Variants in MGST1 observed in about 807,000 individuals in gnomAD.
The protein encoded by MGST1 is microsomal glutathione S-transferase 1.
A neutral mutation model predicts 8.9 loss-of-function variants in MGST1; 5 were observed. That is an observed-to-expected ratio of 0.56 (90% CI 0.29 to 1.19). The LOEUF (loss-of-function observed/expected upper bound fraction) is 1.19, where lower values mean the gene tolerates loss of function less well. MGST1 is among the 50% of genes most tolerant of loss of function. The probability of loss-of-function intolerance (pLI) is 0.08; values close to 1 mark genes in which losing one functional copy is unlikely to be tolerated. For missense variants in MGST1, 182 were observed against 187.4 expected, an observed-to-expected ratio of 0.97 and a Z score of 0.17; for synonymous variants, 54 against 67.8, an observed-to-expected ratio of 0.80 and a Z score of 1.00.
At chr12:16,553,590 T>C (rs577931373) in intron 4 of MGST1, among the ~76,000 whole-genome samples, 6 of 152,194 alleles carry the variant, frequency 3.9e-5, no homozygotes, top group Admixed American at 1.3e-4. Flanking sequence ...TACTTAAAGG[T>C]CAAGATGAAA....
In MGST1 at chr12:16,401,154, C is replaced by A; in HGVS notation, n.778+17550C>A. ...GGAAAATACCCACATTCTTCACTTT[C>A]TTCTTCACAGAAGTGAGAACAGTAG... On this transcript the variant is annotated intron_variant and non_coding_transcript_variant, in intron 1 of 1. Coordinates refer to the MGST1 transcript ENST00000359720. This position sits in a 1 kb window ranked among gnomAD's most constrained non-coding sequence, Gnocchi z 4.3. 1 of 1,562,534 alleles carries A rather than the reference C, an allele frequency of 6.4e-7. No individual in the cohort carries two copies. Among genetic ancestry groups the A allele is most frequent in the Non-Finnish European group, 8.8e-7 (1 of 1,134,282 alleles).
At chr12:16,470,913 G>T (rs907004894) in intron 4 of MGST1, among the ~76,000 whole-genome samples, 1 of 151,864 alleles carries the variant, frequency 6.6e-6, no homozygotes, top group Non-Finnish European at 1.5e-5. Flanking sequence ...TTTATTTGAG[G>T]GTATTTTAAA....
chr12:16,579,093 C>T (rs898744044), intron 4 of MGST1, among the ~76,000 whole-genome samples: 2 of 152,040 alleles, frequency 1.3e-5, no homozygotes, highest in African/African-American at 2.4e-5. Context: ...TTTAAAAAGG[C>T]ACTGATTATA....
intron 3 of MGST1, among the ~76,000 whole-genome samples, chr12:16,359,890 C>T (rs983070226): frequency 2.0e-5 from 3 of 152,200 alleles, no homozygotes; most frequent in African/African-American, 7.2e-5. Context: ...TTTTAGATTC[C>T]TCCCTACTAT....
chr12:16,429,338 G>A (rs773559520), intron 1 of MGST1, among the ~76,000 whole-genome samples: 53 of 151,990 alleles, frequency 3.5e-4, no homozygotes, highest in Non-Finnish European at 6.3e-4. Context: ...ATTCTTCCTT[G>A]TGGTTATAAT....
chr12:16,424,257 C>A (rs949985903), intron 1 of MGST1, among the ~76,000 whole-genome samples: 1 of 152,204 alleles, frequency 6.6e-6, no homozygotes, highest in Non-Finnish European at 1.5e-5. Context: ...GTCTTTAAGT[C>A]CAACAGAGGT....
intron 4 of MGST1, among the ~76,000 whole-genome samples, chr12:16,487,496 TACTGGTGC>T (rs1941407408): frequency 1.3e-5 from 2 of 152,292 alleles, no homozygotes; most frequent in South Asian, 4.1e-4. Context: ...TGGCCAATAT[TACTGGTGC>T]ACGTAGACAT....
At chr12:16,487,656 CTTTT>C (rs889417612) in intron 4 of MGST1, among the ~76,000 whole-genome samples, 1 of 151,988 alleles carries the variant, frequency 6.6e-6, no homozygotes, top group Admixed American at 6.6e-5. Flanking sequence ...GTGATAGAGA[CTTTT>C]TTTAAGAGAC....
intron 1 of MGST1, among the ~76,000 whole-genome samples, chr12:16,434,365 A>G (rs1294683962): frequency 6.6e-6 from 1 of 152,016 alleles, no homozygotes; most frequent in African/African-American, 2.4e-5. Context: ...AGATTAAACA[A>G]CGGAAATTTC....
At position 16,582,533 on chromosome 12, in the gene MGST1, T is replaced by C. The variant is rs1943193493; in HGVS notation, n.483-6995T>C. Among the ~76,000 whole-genome samples the C allele has an allele frequency of 6.6e-6, 1 of 152,236 alleles. No individual in the cohort carries two copies. The highest frequency in any genetic ancestry group is 6.5e-5 in the Admixed American group (1 of 15,284). On this transcript the variant is annotated intron_variant and non_coding_transcript_variant, in intron 4 of 4. Transcript: ENST00000538857. The surrounding 1 kb of genome is among the most constrained non-coding windows in gnomAD (Gnocchi z 4.1). The stretch of plus-strand genomic sequence containing the variant: ...CTTAAGCTTCCTGTGTAACACTTAA[T>C]TGTGGATACTATGGAAGTGGCTAGA...
chr12:16,437,734 G>C (rs558018644), exon 2 of MGST1: 1 of 152,056 alleles, frequency 6.6e-6, no homozygotes, highest in Non-Finnish European at 1.5e-5. Context: ...AATCACAAAG[G>C]CTCTTTGGAA....
At chr12:16,514,158 T>C in intron 4 of MGST1, 1 of 356,930 alleles carries the variant, frequency 2.8e-6, no homozygotes, top group South Asian at 2.5e-5. Context: ...CAAGGATGCC[T>C]GGGCTGTGCG....
At chr12:16,489,111 AAAATAAAT>A (rs1033454338) in intron 4 of MGST1, among the ~76,000 whole-genome samples, 1 of 151,972 alleles carries the variant, frequency 6.6e-6, no homozygotes, top group African/African-American at 2.4e-5. Flanking sequence ...TCACCATCTC[AAAATAAAT>A]AAATAAATAA....
At position 16,589,311 on chromosome 12, in the gene MGST1, C is replaced by T. The variant is rs997230680; in HGVS notation, n.483-217C>T. On this transcript the variant is annotated intron_variant and non_coding_transcript_variant, in intron 4 of 4. Transcript: ENST00000538857. This position sits in a 1 kb window ranked among gnomAD's most constrained non-coding sequence, Gnocchi z 4.2. ...ATCATTGATGGAGAAGGGGCAATAC[C>T]TAATGTAGTAGAATAATGAGAAACA... Among the ~76,000 whole-genome samples the T allele has an allele frequency of 6.6e-6, 1 of 151,900 alleles. No individual in the cohort carries two copies. Among genetic ancestry groups the T allele is most frequent in the Admixed American group, 6.6e-5 (1 of 15,240 alleles).
rs540758026 is a variant in MGST1 at position 16,585,274 on chromosome 12, ATC to A, written n.483-4253_483-4252del. Among the ~76,000 whole-genome samples the A allele has an allele frequency of 0.013, 1,933 of 152,322 alleles. 47 individuals are homozygous for A. The highest frequency in any genetic ancestry group is 0.044 in the African/African-American group (1,842 of 41,558). On this transcript the variant is annotated intron_variant and non_coding_transcript_variant, in intron 4 of 4. Transcript: ENST00000538857. The surrounding 1 kb of genome is among the most constrained non-coding windows in gnomAD (Gnocchi z 4.7). ...CAGCCTATTTTATTTACATTCAAGT[ATC>A]ATGGTAGAAAACAAGTTATTGATTA...
chr12:16,439,232 G>T (rs1941017212), downstream of MGST1, among the ~76,000 whole-genome samples: 1 of 151,720 alleles, frequency 6.6e-6, no homozygotes, highest in African/African-American at 2.4e-5. Context: ...TATGACATGG[G>T]CAACATTAAA....
chr12:16,381,810 A>G (rs1256794376), downstream of MGST1, among the ~76,000 whole-genome samples: 2 of 152,096 alleles, frequency 1.3e-5, no homozygotes, highest in African/African-American at 4.8e-5. Flanking sequence ...ACATAGTCCC[A>G]TATTTCTTGG....
downstream of MGST1, among the ~76,000 whole-genome samples, chr12:16,366,927 G>C (rs1025926518): frequency 1.3e-5 from 2 of 152,144 alleles, no homozygotes; most frequent in Non-Finnish European, 2.9e-5. This position sits in a 1 kb window ranked among gnomAD's most constrained non-coding sequence, Gnocchi z 4.0. Context: ...AATGAAATTG[G>C]AGAGGGGTAG....
intron 1 of MGST1, among the ~76,000 whole-genome samples, chr12:16,387,540 T>TC (rs1053110308): frequency 6.6e-5 from 10 of 151,836 alleles, no homozygotes; most frequent in African/African-American, 1.7e-4. Flanking sequence ...ATTTTTTTTT[T>TC]TTTTGAGATG....
Sources: gnomAD v4.1 joint callset for allele counts (sites outside exome capture counted in the v4.1 genomes callset) on GRCh38, gnomAD v4.1.1 for gene constraint, Gnocchi (gnomAD v3.1) non-coding constraint, MANE v1.5 for transcripts, NCBI Gene and HGNC (gene_info 2026-07-23, HGNC 2026-07-21) for gene names.